Variants in AGBL2 observed in about 807,000 individuals in gnomAD.
AGBL2 encodes the protein AGBL carboxypeptidase 2.
Under a neutral mutation model 103.0 loss-of-function variants are expected in AGBL2, and 87 were observed. The observed-to-expected ratio is 0.84, with a 90% CI of 0.71 to 1.01. The LOEUF is 1.01. Among genes scored for constraint, AGBL2 ranks in the 50% least tolerant of loss-of-function variants. AGBL2 has a pLI of 0.00. For missense variants in AGBL2, 904 were observed against 1,023.5 expected, an observed-to-expected ratio of 0.88 and a Z score of 1.59; for synonymous variants, 335 against 356.7, an observed-to-expected ratio of 0.94 and a Z score of 0.69.
intron 17 of AGBL2, among the ~76,000 whole-genome samples, chr11:47,665,986 G>A (rs995579692): frequency 1.1e-4 from 17 of 151,912 alleles, no homozygotes; most frequent in Admixed American, 5.9e-4. Context: ...TCAAGCCTGC[G>A]TGACAGAATG....
At position 47,667,629 on chromosome 11, in the gene AGBL2, T is replaced by C; in HGVS notation, c.2282A>G (p.Asn761Ser). Residue 761 changes from asparagine to serine, a missense_variant, in exon 16 of 19, where the codon AAT (asparagine) becomes AGT (serine). By Grantham distance (46) the Asn-to-Ser change is conservative (BLOSUM62 1). Transcript: ENST00000525123. ...CAAATTTTTTTTCTGATACTGCTCA[T>C]TTCGCTGTTTCCTAGTCTGAAGTGA... Reference protein sequence around the residue: ...KKSLQTRKQRNEQYQKKNLMQ... With the variant: ...KKSLQTRKQRSEQYQKKNLMQ... The C allele has an allele frequency of 6.2e-7, 1 of 1,613,940 alleles. No homozygotes were observed.
intron 8 of AGBL2, among the ~76,000 whole-genome samples, chr11:47,697,715 T>G (rs899940651): frequency 6.6e-6 from 1 of 151,286 alleles, no homozygotes; most frequent in African/African-American, 2.4e-5. Context: ...CCGGCTATTT[T>G]TTTTGTATTT....
chr11:47,702,646 C>T (rs563301323), intron 7 of AGBL2, among the ~76,000 whole-genome samples: 129 of 152,038 alleles, frequency 8.5e-4, no homozygotes, highest in African/African-American at 2.9e-3. Context: ...GAGGCCGAGG[C>T]GGGTGGATCA....
rs1204104306 is a variant in AGBL2 at position 47,663,037 on chromosome 11, C to A, written c.2524G>T (p.Gly842Trp). The A allele has an allele frequency of 5.0e-6, 8 of 1,610,252 alleles. No individual in the cohort carries two copies. Among genetic ancestry groups the A allele is most frequent in the Non-Finnish European group, 6.8e-6 (8 of 1,178,450 alleles). Residue 842 changes from glycine to tryptophan, a missense_variant, in exon 18 of 19, where the codon GGG becomes TGG. Physicochemically the swap from Gly to Trp is radical, Grantham distance 184. Coordinates refer to ENST00000525123, the MANE Select transcript of AGBL2 (RefSeq NM_024783.4). ...ATTAGGTGAAGTACCTGCATTCTCC[C>A]TTTATTCTTAGGCAGAATCAGGGTG... Reference protein sequence around the residue: ...MATLILPKNKGRMQNKKPGFT... With the variant: ...MATLILPKNKWRMQNKKPGFT...
At chr11:47,710,768 C>G (rs1185962292) in intron 3 of AGBL2, 4 of 547,812 alleles carry the variant, frequency 7.3e-6, no homozygotes, top group Non-Finnish European at 1.4e-5. Flanking sequence ...TGAGAAAGGA[C>G]TTGGCAGGCA....
intron 9 of AGBL2, among the ~76,000 whole-genome samples, chr11:47,691,729 A>AAAAAAAAAAAAAAAATATATACATAT: frequency 4.1e-4 from 2 of 4,850 alleles, no homozygotes; most frequent in Non-Finnish European, 7.3e-4. Flanking sequence ...AAAAAAAAAA[A>AAAAAAAAAAAAAAAATATATACATAT]ATATATATAT....
chr11:47,669,516 T>C (rs1053817984), intron 14 of AGBL2, among the ~76,000 whole-genome samples: 4 of 151,788 alleles, frequency 2.6e-5, no homozygotes, highest in Non-Finnish European at 5.9e-5. Context: ...CCCGTCTCTA[T>C]TAATACAAAA....
intron 4 of AGBL2, among the ~76,000 whole-genome samples, chr11:47,709,260 C>T (rs2097530212): frequency 6.6e-6 from 1 of 151,306 alleles, no homozygotes; most frequent in Non-Finnish European, 1.5e-5. Flanking sequence ...GGGGGCGGGG[C>T]AGCACAGAAC....
intron 7 of AGBL2, 123 bp downstream of exon 7, chr11:47,704,420 T>C: frequency 1.3e-6 from 1 of 755,198 alleles, no homozygotes; most frequent in Non-Finnish European, 2.1e-6. Context: ...GAGACAGAGG[T>C]TGCAGTGAGC....
chr11:47,696,556 G>A (rs369448321), intron 8 of AGBL2, among the ~76,000 whole-genome samples: 1 of 151,990 alleles, frequency 6.6e-6, no homozygotes, highest in Non-Finnish European at 1.5e-5. Flanking sequence ...GAACTACCAG[G>A]CCCCAGGTGG....
chr11:47,682,282 T>C (rs1017436460), intron 11 of AGBL2, among the ~76,000 whole-genome samples, 187 bp from the exon 12 acceptor site: 3 of 151,744 alleles, frequency 2.0e-5, no homozygotes, highest in East Asian at 1.9e-4. Context: ...TCTGTGGTCA[T>C]GTTAGTCAGG....
At chr11:47,713,582 A>G (rs1189357315) in intron 3 of AGBL2, among the ~76,000 whole-genome samples, 1 of 150,792 alleles carries the variant, frequency 6.6e-6, no homozygotes, top group Non-Finnish European at 1.5e-5. Flanking sequence ...TTATTTTTTT[A>G]AATTTTTATT....
intron 15 of AGBL2, among the ~76,000 whole-genome samples, chr11:47,668,486 G>GACAA (rs1204022203): frequency 7.9e-5 from 12 of 151,994 alleles, no homozygotes; most frequent in Admixed American, 5.3e-4. Context: ...CATCTCAAAA[G>GACAA]ACAAACAAAC....
rs368743506 is a variant in AGBL2 at position 47,690,653 on chromosome 11, C to T, written c.1054G>A (p.Gly352Ser). Residue 352 changes from glycine (G) to serine (S), a missense_variant, in exon 10 of 19, where the codon GGC (glycine) becomes AGC (serine). Transcript: ENST00000525123. ...SQLDANTRNI[G>S]WRREGNEIKY... is the part of the protein sequence containing the mutation. ...ATTTCATTTCCTTCTCTCCTCCAGC[C>T]AATATTGCGGGTGTTGGCATCCAAT... 34 of 1,614,016 alleles carry T rather than the reference C, an allele frequency of 2.1e-5. No homozygotes were observed. Among genetic ancestry groups the T allele is most frequent in the Non-Finnish European group, 2.9e-5 (34 of 1,180,034 alleles).
intron 9 of AGBL2, among the ~76,000 whole-genome samples, chr11:47,691,841 A>G (rs531972959): frequency 1.2e-4 from 18 of 145,576 alleles, no homozygotes; most frequent in East Asian, 1.0e-3. Flanking sequence ...AGGAAGTATG[A>G]CTATAGGACT....
intron 14 of AGBL2, among the ~76,000 whole-genome samples, chr11:47,675,180 TC>T (rs1324512639): frequency 1.3e-5 from 2 of 149,802 alleles, no homozygotes; most frequent in African/African-American, 2.5e-5. Flanking sequence ...TGCACTTACT[TC>T]CTTGAGATCC....
intron 17 of AGBL2, 73 bp from the exon 18 acceptor site, chr11:47,663,185 C>T (rs1290312977): frequency 7.7e-6 from 7 of 906,226 alleles, no homozygotes; most frequent in African/African-American, 1.7e-5. Flanking sequence ...ATACATTATT[C>T]ATTTGTTTCT....
chr11:47,709,459 T>C (rs1039946461), intron 4 of AGBL2, among the ~76,000 whole-genome samples: 3 of 152,156 alleles, frequency 2.0e-5, no homozygotes, highest in Non-Finnish European at 2.9e-5. Context: ...TCCCCTTGGA[T>C]TTTAGAAGAA....
rs933797149 is a variant in AGBL2 at position 47,659,686 on chromosome 11, T to C, written c.*487A>G. The C allele has an allele frequency of 2.6e-5, 4 of 152,366 alleles. No individual in the cohort carries two copies. Among genetic ancestry groups the C allele is most frequent in the African/African-American group, 7.2e-5 (3 of 41,418 alleles). The allele number at this position is 152,366 out of a possible 1,614,324, so 9.4% of individuals were successfully genotyped here. A position where few individuals can be genotyped will look rare whatever the true frequency, so the allele number is the denominator to read the frequency against. On this transcript the variant is annotated 3_prime_UTR_variant, in exon 19 of 19. Transcript: ENST00000525123. ...ATTAAATTCTGGGTAATACATGCAT[T>C]GTTATTTCTATGTGGGAATACCTCA...
Sources: allele counts gnomAD v4.1 joint callset (sites outside exome capture counted in the v4.1 genomes callset), GRCh38; gene constraint gnomAD v4.1.1; transcripts MANE v1.5; gene names NCBI Gene and HGNC (gene_info 2026-07-23, HGNC 2026-07-21).